BOC: variants seen among roughly 807,000 people sequenced by gnomAD.
BOC encodes BOC cell adhesion associated, oncogene regulated, also known as brother of CDO.
In BOC, 76 loss-of-function variants were observed where a neutral mutation model predicts 112.0. That is an observed-to-expected ratio of 0.68 (90% CI 0.56 to 0.82). The LOEUF (loss-of-function observed/expected upper bound fraction) is 0.82. BOC is among the 40% of genes least tolerant of loss of function. The pLI is 0.00. For synonymous variants in BOC, 580 were observed against 599.8 expected (o/e 0.97, Z 0.48); for missense variants, 1,309 against 1,511.7 (o/e 0.87, Z 2.22).
Position 113,262,616 on chromosome 3 carries a change from G to T in BOC, c.377-5683G>T, listed in dbSNP as rs568778897. Among the ~76,000 whole-genome samples the T allele has an allele frequency of 9.2e-5, 14 of 152,318 alleles. No individual in the cohort carries two copies. In the South Asian group the frequency reaches 2.9e-3, roughly 32 times the overall value. On this transcript the variant is annotated intron_variant, in intron 4 of 19. Transcript: ENST00000682979. Reference sequence around the variant, plus strand: ...CACAGTAAACCCCAACCACTCACCAGGTGCCAGGCTTTCTGACCTCATGAG... The same window carrying T: ...CACAGTAAACCCCAACCACTCACCATGTGCCAGGCTTTCTGACCTCATGAG...
chr3:113,283,814 G>A (rs1196217152), intron 16 of BOC, among the ~76,000 whole-genome samples, 182 bp downstream of exon 16: 2 of 151,838 alleles, frequency 1.3e-5, no homozygotes, highest in African/African-American at 4.8e-5. Context: ...GGCTTGGGGA[G>A]GAGGAAGGAG....
At chr3:113,263,570 A>G (rs1202558877) in intron 4 of BOC, among the ~76,000 whole-genome samples, 1 of 152,210 alleles carries the variant, frequency 6.6e-6, no homozygotes, top group Non-Finnish European at 1.5e-5. Flanking sequence ...AGGTTTATGG[A>G]TTACACCTGG....
At position 113,279,983 on chromosome 3, in the gene BOC, C is replaced by T; in HGVS notation, c.2183C>T (p.Thr728Ile). The change falls in exon 13 of 20, where the codon ACC becomes ATC. Residue 728 changes from threonine (T) to isoleucine (I), a missense_variant. Physicochemically the swap from Thr to Ile is moderately conservative, Grantham distance 89 (BLOSUM62 -1). Coordinates refer to ENST00000682979, the MANE Select transcript of BOC (RefSeq NM_001378074.1). ...ACCTTCACGGATGCGGTCAATGAGA[C>T]CACCATCATGCTCAAGTGGATGGTA... ...YITFTDAVNE[T>I]TIMLKWMYIP... 6.2e-7 allele frequency: 1 copy of T among 1,610,770 alleles called. No homozygotes were observed. Among genetic ancestry groups the T allele is most frequent in the Non-Finnish European group, 8.5e-7 (1 of 1,178,298 alleles).
rs569476199 is a variant in BOC at position 113,242,275 on chromosome 3, G to A, written c.-81-7447G>A. On this transcript the variant is annotated intron_variant, in intron 2 of 19. Transcript: ENST00000682979. The stretch of plus-strand genomic sequence containing the variant: ...AAGGAAGTGGTTTTCCTTTTCTTTC[G>A]GTCTTCCAGTTTAGCAATAAAACCC... Among the ~76,000 whole-genome samples, 6 of 152,170 alleles carry A rather than the reference G, an allele frequency of 3.9e-5. No homozygotes were observed. In the South Asian group the frequency reaches 6.2e-4, roughly 16 times the overall value.
chr3:113,228,469 C>T (rs1365452866), intron 2 of BOC, among the ~76,000 whole-genome samples: 2 of 152,068 alleles, frequency 1.3e-5, no homozygotes, highest in Non-Finnish European at 2.9e-5. Flanking sequence ...TTAATAGGCC[C>T]TGGGTGAGGT....
chr3:113,257,568 A>AT (rs1419338672), intron 4 of BOC, among the ~76,000 whole-genome samples: 6 of 151,296 alleles, frequency 4.0e-5, no homozygotes, highest in South Asian at 2.1e-4. Flanking sequence ...TTTTCTCAAG[A>AT]TTTTTTTTTC....
At chr3:113,271,200 C>T (rs768874271) in intron 6 of BOC, 1 of 659,222 alleles carries the variant, frequency 1.5e-6, no homozygotes, top group Non-Finnish European at 2.8e-6. Context: ...AGGTTTCCTT[C>T]ACGGTTACTT....
At chr3:113,284,894 A>G (rs1258362061) in intron 18 of BOC, 36 bp downstream of exon 18, 1 of 1,584,682 alleles carries the variant, frequency 6.3e-7, no homozygotes, top group African/African-American at 1.3e-5. Flanking sequence ...CCCAAGCCCC[A>G]CAGCCTCACT....
At chr3:113,275,684 A>C (rs1345390691) in intron 9 of BOC, among the ~76,000 whole-genome samples, 2 of 152,182 alleles carry the variant, frequency 1.3e-5, no homozygotes, top group African/African-American at 4.8e-5. Context: ...ATGAATGTGG[A>C]ATTAAAAGTC....
At chr3:113,261,335 A>C (rs1169442653) in intron 4 of BOC, among the ~76,000 whole-genome samples, 1 of 152,220 alleles carries the variant, frequency 6.6e-6, no homozygotes, top group Non-Finnish European at 1.5e-5. Flanking sequence ...TATTTGGTTG[A>C]TCAGAGAAAT....
chr3:113,240,164 T>C (rs1944100406), intron 2 of BOC, among the ~76,000 whole-genome samples: 1 of 152,166 alleles, frequency 6.6e-6, no homozygotes, highest in South Asian at 2.1e-4. Flanking sequence ...TATATGGCCT[T>C]GGGTTGAGCT....
At chr3:113,285,661 C>T (rs1949614200) in intron 19 of BOC, 96 bp downstream of exon 19, 2 of 1,256,076 alleles carry the variant, frequency 1.6e-6, no homozygotes, top group Non-Finnish European at 2.1e-6. Flanking sequence ...AAAGGTGGGG[C>T]TTGGTAAGGA....
chr3:113,282,696 G>A (rs751577153), intron 15 of BOC, among the ~76,000 whole-genome samples: 19 of 152,032 alleles, frequency 1.2e-4, no homozygotes, highest in Non-Finnish European at 2.2e-4. Context: ...GAGTACAGAC[G>A]GGAGGAACCA....
intron 2 of BOC, among the ~76,000 whole-genome samples, chr3:113,245,237 T>A (rs1944765939): frequency 6.6e-6 from 1 of 152,212 alleles, no homozygotes. Flanking sequence ...TACAACCTGA[T>A]GTTTTGATAA....
rs1553726881 is a variant in BOC, at chr3:113,236,290, A to ATATATATATATATACCCATGGG, written c.-81-13418_-81-13417insCCCATGGGTATATATATATATA. On this transcript the variant is annotated intron_variant, in intron 2 of 19. Transcript: ENST00000682979. ...TGTATATATACCCATGGGTATATAT[A>ATATATATATATATACCCATGGG]TATATATATATATATATATATACCC... 9.6e-3 allele frequency among the ~76,000 whole-genome samples: 382 copies of ATATATATATATATACCCATGGG among 39,628 alleles called. 25 individuals carry two copies. The East Asian group carries it at 0.21, about 21-fold the overall frequency. The allele number at this position is 39,628 out of a possible 152,430, so 26.0% of individuals were successfully genotyped here. A position where few individuals can be genotyped will look rare whatever the true frequency, so the allele number is the denominator to read the frequency against.
chr3:113,234,394 G>A (rs1943135215), intron 2 of BOC, among the ~76,000 whole-genome samples: 1 of 152,116 alleles, frequency 6.6e-6, no homozygotes, highest in Non-Finnish European at 1.5e-5. Flanking sequence ...CATGTGTGTA[G>A]GAACCTGTGT....
chr3:113,272,199 C>T (rs1948190176), intron 6 of BOC: 1 of 597,638 alleles, frequency 1.7e-6, no homozygotes, highest in Middle Eastern at 4.5e-4. Context: ...ATTTCTTACT[C>T]ATAACAGCTC....
intron 2 of BOC, among the ~76,000 whole-genome samples, chr3:113,247,097 T>G (rs1945011773): frequency 6.6e-6 from 1 of 152,158 alleles, no homozygotes; most frequent in South Asian, 2.1e-4. Context: ...CATTCCTCTT[T>G]GTCTGCTTGT....
At chr3:113,227,822 T>C (rs1215094842) in intron 2 of BOC, among the ~76,000 whole-genome samples, 1 of 152,142 alleles carries the variant, frequency 6.6e-6, no homozygotes, top group African/African-American at 2.4e-5. Context: ...GAACCCCATG[T>C]ACCCATCACC....
Sources: gnomAD v4.1 joint callset for allele counts (sites outside exome capture counted in the v4.1 genomes callset) on GRCh38, gnomAD v4.1.1 for gene constraint, MANE v1.5 for transcripts, NCBI Gene and HGNC (gene_info 2026-07-23, HGNC 2026-07-21) for gene names.